Variants in GNG7 observed in about 807,000 individuals in gnomAD.
GNG7 encodes the protein G protein subunit gamma 7.
GNG7 carries 1 observed loss-of-function variant against 4.0 expected under a neutral mutation model. The observed-to-expected ratio is 0.25, with a 90% CI of 0.09 to 1.18. The LOEUF (loss-of-function observed/expected upper bound fraction) is 1.18. Among genes scored for constraint, GNG7 ranks in the 50% most tolerant of loss-of-function variants. The pLI, the probability that GNG7 is intolerant of heterozygous loss-of-function variation, is 0.50. For synonymous variants in GNG7, 34 were observed against 36.9 expected (o/e 0.92, Z 0.29); for missense variants, 86 against 91.9 (o/e 0.94, Z 0.26).
chr19:2,645,610 G>A (rs1031654904), intron 2 of GNG7, among the ~76,000 whole-genome samples: 6 of 151,980 alleles, frequency 3.9e-5, no homozygotes, highest in Admixed American at 2.6e-4. Context: ...CGGTCACCCC[G>A]ACCCGACCAT....
chr19:2,676,791 C>A (rs564048783), intron 1 of GNG7, among the ~76,000 whole-genome samples: 3 of 135,202 alleles, frequency 2.2e-5, no homozygotes, highest in East Asian at 2.7e-4. Context: ...ACTTCCTAGA[C>A]CCGGCTGGAG....
chr19:2,565,417 C>T (rs1360604332), intron 2 of GNG7, among the ~76,000 whole-genome samples: 3 of 150,828 alleles, frequency 2.0e-5, no homozygotes, highest in African/African-American at 7.3e-5. Context: ...GAGACTGAGG[C>T]AAGAGAATCA....
At chr19:2,558,392 A>G (rs1469510818) in intron 2 of GNG7, among the ~76,000 whole-genome samples, 1 of 150,840 alleles carries the variant, frequency 6.6e-6, no homozygotes, top group Non-Finnish European at 1.5e-5. Flanking sequence ...ACATGCCACC[A>G]CACCCAGCTA....
In GNG7 at chr19:2,657,346, AAAAAAAAAAAAAAAAATATATAT is replaced by A. The variant is rs1382826871; in HGVS notation, c.-134-11089_-134-11067del. Among the ~76,000 whole-genome samples, 152 of 19,960 alleles carry A rather than the reference AAAAAAAAAAAAAAAAATATATAT, an allele frequency of 7.6e-3. 13 individuals carry two copies. Among genetic ancestry groups the A allele is most frequent in the Non-Finnish European group, 0.014 (126 of 8,750 alleles). The allele number at this position is 19,960 out of a possible 152,430, so 13.1% of individuals were successfully genotyped here. Reference sequence around the variant, plus strand: ...AAGACCCCGTCTCAATTAAAAAAAAAAAAAAAAAAAAAAAAATATATATATATATATATATATATATATATATA... The same window carrying A: ...AAGACCCCGTCTCAATTAAAAAAAAAATATATATATATATATATATATATA... On this transcript the variant is annotated intron_variant, in intron 1 of 4. Transcript: ENST00000382159.
intron 1 of GNG7, among the ~76,000 whole-genome samples, chr19:2,656,378 C>A (rs565107577): frequency 6.6e-6 from 1 of 152,130 alleles, no homozygotes; most frequent in Non-Finnish European, 1.5e-5. Context: ...CCAAGGCAGG[C>A]GGATCACAAG....
intron 3 of GNG7, among the ~76,000 whole-genome samples, chr19:2,525,586 C>T (rs11881437): frequency 0.43 from 65,449 of 151,472 alleles, 14,584 homozygotes; most frequent in African/African-American, 0.57. Flanking sequence ...ACACGAGGCT[C>T]CAGTGCACAG....
At chr19:2,647,650 C>A (rs1982700242) in intron 1 of GNG7, among the ~76,000 whole-genome samples, 1 of 152,042 alleles carries the variant, frequency 6.6e-6, no homozygotes, top group African/African-American at 2.4e-5. Context: ...CCTGGGAGAT[C>A]AAGGTTGCTG....
intron 2 of GNG7, among the ~76,000 whole-genome samples, chr19:2,583,219 G>A (rs925260592): frequency 6.6e-6 from 1 of 152,152 alleles, no homozygotes; most frequent in Non-Finnish European, 1.5e-5. Flanking sequence ...GTTCTTGAAA[G>A]CAAATCTCCC....
intron 2 of GNG7, among the ~76,000 whole-genome samples, chr19:2,621,464 G>A (rs367920972): frequency 5.3e-5 from 8 of 152,006 alleles, no homozygotes; most frequent in South Asian, 2.1e-4. Context: ...TTGGGAGGCC[G>A]AGGTGGGCAG....
chr19:2,553,604 T>C (rs17828251), intron 3 of GNG7, among the ~76,000 whole-genome samples: 6,515 of 148,986 alleles, frequency 0.044, 248 homozygotes, highest in East Asian at 0.13. Context: ...TTACATGCAA[T>C]ATATCATACT....
At chr19:2,559,058 C>A (rs191247813) in intron 2 of GNG7, among the ~76,000 whole-genome samples, 2 of 151,944 alleles carry the variant, frequency 1.3e-5, no homozygotes, top group Admixed American at 6.6e-5. Flanking sequence ...CTTGGCCCCC[C>A]CAAAGTGCTG....
chr19:2,601,622 G>A (rs1981200853), intron 2 of GNG7, among the ~76,000 whole-genome samples: 1 of 152,104 alleles, frequency 6.6e-6, no homozygotes, highest in African/African-American at 2.4e-5. Flanking sequence ...GGAAAAGAAA[G>A]GCAGTGAAGG....
chr19:2,582,812 G>A (rs1013241477), intron 2 of GNG7, among the ~76,000 whole-genome samples: 3 of 152,014 alleles, frequency 2.0e-5, no homozygotes, highest in Non-Finnish European at 2.9e-5. Context: ...AGGACTGCAG[G>A]TGCAAGCCAC....
At chr19:2,539,917 TTCTC>T (rs757294651) in intron 3 of GNG7, among the ~76,000 whole-genome samples, 2 of 127,730 alleles carry the variant, frequency 1.6e-5, no homozygotes, top group Non-Finnish European at 3.3e-5. Context: ...CCCTCCCTCT[TTCTC>T]TTTCTTTCTT....
At chr19:2,569,822 C>A (rs912037433) in intron 2 of GNG7, among the ~76,000 whole-genome samples, 2 of 152,126 alleles carry the variant, frequency 1.3e-5, no homozygotes, top group Non-Finnish European at 2.9e-5. Flanking sequence ...CAACCACAAA[C>A]GTCACCAGAC....
Position 2,618,995 on chromosome 19 carries a change from C to G in GNG7, c.-78+27229G>C, listed in dbSNP as rs1215066836. Among the ~76,000 whole-genome samples the G allele has an allele frequency of 6.6e-6, 1 of 152,058 alleles. No individual in the cohort carries two copies. The highest frequency in any genetic ancestry group is 2.4e-5 in the African/African-American group (1 of 41,400). ...TTTCCATGAACTTTTTTGTTTGTCT[C>G]TTTAAGAAAACGGTTACTATCCATG... On this transcript the variant is annotated intron_variant, in intron 2 of 4. Transcript: ENST00000382159. The surrounding 1 kb of genome is among the most constrained non-coding windows in gnomAD (Gnocchi z 5.1).
intron 2 of GNG7, among the ~76,000 whole-genome samples, chr19:2,616,917 G>A (rs1981739239): frequency 6.6e-6 from 1 of 152,138 alleles, no homozygotes; most frequent in Admixed American, 6.6e-5. Flanking sequence ...TCCTCATCTG[G>A]GGTCACGGGA....
At chr19:2,670,749 T>TCGCCC (rs1352480735) in intron 1 of GNG7, among the ~76,000 whole-genome samples, 1 of 146,910 alleles carries the variant, frequency 6.8e-6, no homozygotes, top group East Asian at 2.1e-4. Context: ...CCAGGAGCCC[T>TCGCCC]CGCCCCGCCC....
At chr19:2,622,073 CTT>C (rs535584117) in intron 2 of GNG7, among the ~76,000 whole-genome samples, 97 of 140,404 alleles carry the variant, frequency 6.9e-4, no homozygotes, top group African/African-American at 2.6e-3. Context: ...CCCTCATCAA[CTT>C]TTTTTTTTTT....
Sources: gnomAD v4.1 joint callset for allele counts (sites outside exome capture counted in the v4.1 genomes callset) on GRCh38, gnomAD v4.1.1 for gene constraint, Gnocchi (gnomAD v3.1) non-coding constraint, MANE v1.5 for transcripts, NCBI Gene and HGNC (gene_info 2026-07-23, HGNC 2026-07-21) for gene names.